The following EXOC6B variants were observed in gnomAD, a reference collection of about 807,000 sequenced individuals.
EXOC6B encodes exocyst complex component 6B.
In EXOC6B, 54 loss-of-function variants were observed where a neutral mutation model predicts 113.5. The observed-to-expected ratio is 0.48, with a 90% CI of 0.38 to 0.60. EXOC6B has a LOEUF of 0.60. Ranked by LOEUF, EXOC6B falls within the 20% of genes least tolerant of loss-of-function variation. The probability of loss-of-function intolerance (pLI) is 0.00; values close to 1 mark genes in which losing one functional copy is unlikely to be tolerated. For missense variants in EXOC6B, 797 were observed against 977.5 expected (o/e 0.82, Z 2.46); for synonymous variants, 357 against 339.0 (o/e 1.05, Z -0.58).
chr2:72,246,459 GA>G (rs1176120788), intron 20 of EXOC6B, among the ~76,000 whole-genome samples: 1 of 151,500 alleles, frequency 6.6e-6, no homozygotes, highest in Admixed American at 6.6e-5. Context: ...CTGACTTACT[GA>G]TGTAAGTCCG....
At chr2:72,664,778 G>A (rs1322389070) in intron 6 of EXOC6B, among the ~76,000 whole-genome samples, 3 of 152,210 alleles carry the variant, frequency 2.0e-5, no homozygotes, top group Non-Finnish European at 4.4e-5. Flanking sequence ...CCATAGGAGT[G>A]TGTGCACAGC....
At chr2:72,425,363 T>C (rs1695145073) in intron 18 of EXOC6B, among the ~76,000 whole-genome samples, 1 of 151,910 alleles carries the variant, frequency 6.6e-6, no homozygotes, top group African/African-American at 2.4e-5. Context: ...TAGTTTTAAA[T>C]GATCTTGAAA....
intron 8 of EXOC6B, among the ~76,000 whole-genome samples, chr2:72,529,890 A>T (rs1441419540): frequency 6.6e-6 from 1 of 152,200 alleles, no homozygotes; most frequent in African/African-American, 2.4e-5. Context: ...AATGTCTTTT[A>T]CACTGTCAAA....
intron 6 of EXOC6B, among the ~76,000 whole-genome samples, chr2:72,605,350 C>T (rs1330767277): frequency 2.0e-5 from 3 of 151,734 alleles, no homozygotes; most frequent in Non-Finnish European, 4.4e-5. Flanking sequence ...TACTAAAGTC[C>T]CAGGATGAGA....
chr2:72,470,634 C>T (rs1698344279), intron 17 of EXOC6B, among the ~76,000 whole-genome samples: 1 of 141,498 alleles, frequency 7.1e-6, no homozygotes, highest in Non-Finnish European at 1.5e-5. Flanking sequence ...TACCCCACAA[C>T]AGGCCCCGGT....
chr2:72,579,847 G>C (rs1705095815), intron 6 of EXOC6B, among the ~76,000 whole-genome samples: 1 of 152,078 alleles, frequency 6.6e-6, no homozygotes, highest in East Asian at 1.9e-4. Flanking sequence ...TTAGGCCTTA[G>C]AGGCCAAATA....
intron 6 of EXOC6B, among the ~76,000 whole-genome samples, chr2:72,636,560 A>G (rs1672849332): frequency 6.6e-6 from 1 of 151,926 alleles, no homozygotes; most frequent in East Asian, 1.9e-4. Flanking sequence ...AGTGCTAGAG[A>G]AAGAGGAAGA....
chr2:72,585,041 T>C (rs993980966), intron 6 of EXOC6B, among the ~76,000 whole-genome samples: 2 of 152,100 alleles, frequency 1.3e-5, no homozygotes, highest in East Asian at 3.9e-4. Context: ...GCCCTAAACA[T>C]CTACCTAAAA....
At chr2:72,725,397 G>A (rs1293791789) in intron 5 of EXOC6B, among the ~76,000 whole-genome samples, 1 of 151,870 alleles carries the variant, frequency 6.6e-6, no homozygotes, top group Non-Finnish European at 1.5e-5. Context: ...AAATAATAAG[G>A]ATTTTTTTTT....
chr2:72,635,983 A>G (rs1222532035), intron 6 of EXOC6B, among the ~76,000 whole-genome samples: 1 of 152,172 alleles, frequency 6.6e-6, no homozygotes, highest in East Asian at 1.9e-4. Context: ...AAATGAGGCC[A>G]AGGCAGTAGG....
chr2:72,552,050 A>C (rs1267816828), intron 8 of EXOC6B, among the ~76,000 whole-genome samples: 4 of 152,246 alleles, frequency 2.6e-5, no homozygotes, highest in Non-Finnish European at 5.9e-5. Context: ...CAAATGTACT[A>C]GATTCTTTAG....
At chr2:72,565,131 G>A (rs892758444) in intron 7 of EXOC6B, among the ~76,000 whole-genome samples, 11 of 151,860 alleles carry the variant, frequency 7.2e-5, no homozygotes, top group Admixed American at 6.6e-5. Flanking sequence ...CAGGTGGATC[G>A]CTTGAGCCCA....
intron 7 of EXOC6B, among the ~76,000 whole-genome samples, chr2:72,563,541 G>A (rs1704002888): frequency 1.3e-5 from 2 of 151,970 alleles, no homozygotes; most frequent in Admixed American, 1.3e-4. Context: ...GAAAATAGAG[G>A]ATGTTACAAA....
intron 20 of EXOC6B, among the ~76,000 whole-genome samples, chr2:72,262,028 A>G (rs889583850): frequency 6.6e-6 from 1 of 152,224 alleles, no homozygotes; most frequent in Admixed American, 6.5e-5. Context: ...GAAATAGGAC[A>G]TAGATCTCCT....
At chr2:72,402,922 G>A (rs1329253291) in intron 18 of EXOC6B, among the ~76,000 whole-genome samples, 2 of 151,970 alleles carry the variant, frequency 1.3e-5, no homozygotes, top group Non-Finnish European at 2.9e-5. Flanking sequence ...AAGTTTTGAG[G>A]GAGATTTCCT....
At chr2:72,468,557 T>C (rs969664745) in intron 17 of EXOC6B, among the ~76,000 whole-genome samples, 1 of 152,194 alleles carries the variant, frequency 6.6e-6, no homozygotes, top group Non-Finnish European at 1.5e-5. Context: ...GTGTAGTAGA[T>C]TTTGAAGTCA....
intron 6 of EXOC6B, among the ~76,000 whole-genome samples, chr2:72,644,628 A>G (rs946424052): frequency 1.3e-5 from 2 of 152,206 alleles, no homozygotes; most frequent in African/African-American, 2.4e-5. Context: ...AGTGGGGGCC[A>G]ATAGTCAGCA....
At chr2:72,327,830 A>G (rs896030296) in intron 20 of EXOC6B, among the ~76,000 whole-genome samples, 2 of 152,114 alleles carry the variant, frequency 1.3e-5, no homozygotes, top group Admixed American at 1.3e-4. Context: ...TTTGTTACAT[A>G]TTACTGGCAA....
intron 11 of EXOC6B, among the ~76,000 whole-genome samples, chr2:72,504,531 C>T (rs571850447): frequency 6.6e-6 from 1 of 152,100 alleles, no homozygotes; most frequent in African/African-American, 2.4e-5. Flanking sequence ...GAGTTTAACC[C>T]AGATTATCTA....
Sources: gnomAD v4.1 joint callset for allele counts (sites outside exome capture counted in the v4.1 genomes callset) on GRCh38, gnomAD v4.1.1 for gene constraint, MANE v1.5 for transcripts, NCBI Gene and HGNC (gene_info 2026-07-23, HGNC 2026-07-21) for gene names.